Variants in RGS3 observed in about 807,000 individuals in gnomAD.
RGS3 encodes regulator of G-protein signalling 3.
Under a neutral mutation model 132.6 loss-of-function variants are expected in RGS3, and 80 were observed. The ratio of observed to expected loss-of-function variants is 0.60; its 90% CI spans 0.50 to 0.73. The LOEUF is 0.73. Ranked by LOEUF, RGS3 falls within the 30% of genes least tolerant of loss-of-function variation. RGS3 has a pLI of 0.00. For synonymous variants in RGS3, 598 were observed against 620.6 expected (o/e 0.96, Z 0.54); for missense variants, 1,382 against 1,530.8 (o/e 0.90, Z 1.62).
chr9:113,594,854 C>T, intron 22 of RGS3, 65 bp from the exon 21 acceptor site: 1 of 1,517,914 alleles, frequency 6.6e-7, no homozygotes, highest in Non-Finnish European at 9.1e-7. Context: ...GCCGCCTGGC[C>T]CAGCTTCCCC....
chr9:113,514,434 T>G (rs1588184217), intron 14 of RGS3, 24 bp from the exon 13 acceptor site: 1 of 1,602,982 alleles, frequency 6.2e-7, no homozygotes, highest in East Asian at 2.2e-5. Context: ...AAATGTCTCA[T>G]AGTCCCCCAT....
chr9:113,453,913 C>G (rs1829311442), intron 1 of RGS3, among the ~76,000 whole-genome samples: 1 of 151,868 alleles, frequency 6.6e-6, no homozygotes, highest in South Asian at 2.1e-4. Context: ...TCACTGCAAC[C>G]TCGAACTCCT....
At chr9:113,531,580 A>C (rs1832467239) in intron 18 of RGS3, among the ~76,000 whole-genome samples, 1 of 152,212 alleles carries the variant, frequency 6.6e-6, no homozygotes, top group East Asian at 1.9e-4. Flanking sequence ...CTTCATATTC[A>C]TTTACTCTCC....
chr9:113,512,280 C>T (rs1334831805), intron 14 of RGS3, among the ~76,000 whole-genome samples: 1 of 152,162 alleles, frequency 6.6e-6, no homozygotes, highest in Non-Finnish European at 1.5e-5. Context: ...CCTGGCAGCA[C>T]ACATCCCTCT....
At chr9:113,478,493 C>T (rs1279176796) in intron 3 of RGS3, among the ~76,000 whole-genome samples, 2 of 152,078 alleles carry the variant, frequency 1.3e-5, no homozygotes, top group African/African-American at 4.8e-5. Context: ...ATGTATTGTT[C>T]TGAAATTTGC....
intron 3 of RGS3, among the ~76,000 whole-genome samples, chr9:113,470,392 G>A (rs932193186): frequency 2.0e-5 from 3 of 152,134 alleles, no homozygotes; most frequent in African/African-American, 7.2e-5. Context: ...TCCCATTGCA[G>A]TTCTGTCAGT....
At position 113,591,342 on chromosome 9, in the gene RGS3, G is replaced by T. The variant is rs1564620424; in HGVS notation, c.3025G>T (p.Ala1009Ser). ...TGTCTTCTCTCCGCAGATGAGCGGG[G>T]CTGACACCGTTGGGGATGATGACGA... Residue 1009 changes from alanine (A) to serine (S), a missense_variant, in exon 21 of 25, where the codon GCT becomes TCT. Ala to Ser is a moderately conservative substitution (Grantham distance 99). Transcript: ENST00000350696. This position sits in a 1 kb window ranked among gnomAD's most constrained non-coding sequence, Gnocchi z 4.4. 7.4e-6 allele frequency: 12 copies of T among 1,613,524 alleles called. No homozygotes were observed. Among genetic ancestry groups the T allele is most frequent in the Non-Finnish European group, 9.3e-6 (11 of 1,179,936 alleles).
At chr9:113,562,605 A>G (rs1241670994) in intron 19 of RGS3, among the ~76,000 whole-genome samples, 2 of 152,100 alleles carry the variant, frequency 1.3e-5, no homozygotes, top group African/African-American at 4.8e-5. Context: ...TTTGTTATGT[A>G]TGAAATATGT....
chr9:113,552,182 A>G (rs923985788), intron 19 of RGS3, among the ~76,000 whole-genome samples: 2 of 152,208 alleles, frequency 1.3e-5, no homozygotes, highest in Non-Finnish European at 2.9e-5. Flanking sequence ...TTACTTTTGC[A>G]TATAGTATGA....
chr9:113,529,988 T>C (rs1460475904), intron 18 of RGS3, among the ~76,000 whole-genome samples: 5 of 152,252 alleles, frequency 3.3e-5, no homozygotes, highest in Non-Finnish European at 7.3e-5. Context: ...CACTGAGCTA[T>C]ACAAATACTT....
intron 19 of RGS3, among the ~76,000 whole-genome samples, chr9:113,559,375 G>T (rs1289269722): frequency 1.3e-5 from 2 of 152,252 alleles, no homozygotes; most frequent in Admixed American, 6.5e-5. Flanking sequence ...AGCTGCTACA[G>T]CTGCCCAAGG....
At chr9:113,498,435 G>A (rs1365080675) in intron 10 of RGS3, among the ~76,000 whole-genome samples, 1 of 152,166 alleles carries the variant, frequency 6.6e-6, no homozygotes, top group Non-Finnish European at 1.5e-5. Flanking sequence ...TCCCAGGTTA[G>A]GCCTGCTTGA....
At chr9:113,527,422 A>C (rs939982833) in intron 17 of RGS3, among the ~76,000 whole-genome samples, 2 of 152,222 alleles carry the variant, frequency 1.3e-5, no homozygotes, top group Non-Finnish European at 2.9e-5. Flanking sequence ...TCTCTTAAAC[A>C]AAAGAAACCA....
At chr9:113,482,568 G>T (rs988001401) in intron 4 of RGS3, among the ~76,000 whole-genome samples, 1 of 152,248 alleles carries the variant, frequency 6.6e-6, no homozygotes, top group Non-Finnish European at 1.5e-5. Context: ...GGCACATGGT[G>T]AGTGGCCCCT....
intron 15 of RGS3, among the ~76,000 whole-genome samples, chr9:113,515,347 T>C (rs1831600935): frequency 6.6e-6 from 1 of 151,594 alleles, no homozygotes; most frequent in Non-Finnish European, 1.5e-5. Context: ...ATAACCTTTA[T>C]TGGGCCAGGT....
exon 25 of RGS3, chr9:113,597,089 G>A: frequency 1.4e-6 from 1 of 734,042 alleles, no homozygotes; most frequent in Non-Finnish European, 2.2e-6. Flanking sequence ...TAGACATACG[G>A]AAGCGAGGCC....
intron 5 of RGS3, 119 bp downstream of exon 3, chr9:113,483,236 C>T: frequency 1.4e-6 from 1 of 707,022 alleles, no homozygotes; most frequent in South Asian, 1.7e-5. Context: ...GTTGCCATCT[C>T]ACTCATCTTC....
At position 113,565,012 on chromosome 9, in the gene RGS3, G is replaced by T. The variant is rs952764739; in HGVS notation, c.2038-18438G>T. ...AGGCGGCTTTGCGCTGCCCCAGCCT[G>T]GGAGCCCTCAGGATGTGTGTGGGGT... On this transcript the variant is annotated intron_variant, in intron 19 of 24. Transcript: ENST00000350696. The surrounding 1 kb of genome is among the most constrained non-coding windows in gnomAD (Gnocchi z 5.7). 12 of 1,036,748 alleles carry T rather than the reference G, an allele frequency of 1.2e-5. No homozygotes were observed. The highest frequency in any genetic ancestry group is 1.3e-5 in the Non-Finnish European group (11 of 859,038). The allele number at this position is 1,036,748 out of a possible 1,614,324, so 64.2% of individuals were successfully genotyped here.
In RGS3 at chr9:113,565,913, G is replaced by GTGTGTGTCTGTC. The variant is rs1381769881; in HGVS notation, c.2038-17534_2038-17533insGTGTCTGTCTGT. On this transcript the variant is annotated intron_variant, in intron 19 of 24. Coordinates refer to ENST00000350696, the Ensembl canonical transcript of RGS3. The surrounding 1 kb of genome is among the most constrained non-coding windows in gnomAD (Gnocchi z 5.7). ...TGTGTGTGTGTGTGTGTGTGTGTGT[G>GTGTGTGTCTGTC]TGTCTGTCTGTCTGTCTGTCTCAGG... is the stretch of plus-strand genomic sequence containing the variant. Among the ~76,000 whole-genome samples, 238 of 144,502 alleles carry GTGTGTGTCTGTC rather than the reference G, an allele frequency of 1.6e-3. 1 individual carries two copies. Among genetic ancestry groups the GTGTGTGTCTGTC allele is most frequent in the African/African-American group, 5.7e-3 (220 of 38,542 alleles). 94.8% of individuals were successfully genotyped at this position (144,502 alleles called of 152,430 possible). A position where few individuals can be genotyped will look rare whatever the true frequency, so the allele number is the denominator to read the frequency against.
Sources: allele counts gnomAD v4.1 joint callset (sites outside exome capture counted in the v4.1 genomes callset), GRCh38; gene constraint gnomAD v4.1.1; non-coding constraint Gnocchi (gnomAD v3.1); transcripts MANE v1.5; gene names NCBI Gene and HGNC (gene_info 2026-07-23, HGNC 2026-07-21).